SYN1: variants seen among roughly 807,000 people sequenced by gnomAD.
SYN1 encodes synapsin-1.
In SYN1, 8 loss-of-function variants were observed where a neutral mutation model predicts 44.6. The observed-to-expected ratio is 0.18, with a 90% CI of 0.11 to 0.32. SYN1 has a LOEUF of 0.32. Ranked by LOEUF, SYN1 falls within the 10% of genes least tolerant of loss-of-function variation. The probability of loss-of-function intolerance (pLI) is 1.00; values close to 1 mark genes in which losing one functional copy is unlikely to be tolerated. For missense variants in SYN1, 451 were observed against 639.4 expected (o/e 0.71, Z 3.18); for synonymous variants, 275 against 280.1 (o/e 0.98, Z 0.18).
At position 47,574,771 on chromosome X, in the gene SYN1, G is replaced by A. The variant is rs895517774; in HGVS notation, c.1310C>T (p.Pro437Leu). ...GCCCAAGGGCAGGGCCCCTGGGGAC[G>A]GAGTCTGCGGCAGAGGAATGGAGCA... ...SPGRGSHGQTPSPGALPLGRQ... is the reference protein window; with the variant it reads ...SPGRGSHGQTLSPGALPLGRQ... Residue 437 changes from proline (P) to leucine (L), a missense_variant, in exon 11 of 13, where the codon CCG becomes CTG. Pro to Leu is a moderately conservative substitution (Grantham distance 98, BLOSUM62 -3). Around this residue, in one of 3 missense-constraint regions of SYN1, gnomAD observed 315 missense variants for 451.4 expected, o/e 0.70. Coordinates refer to ENST00000295987, the MANE Select transcript of SYN1 (RefSeq NM_006950.3). The A allele has an allele frequency of 5.9e-6, 7 of 1,182,230 alleles. No homozygotes were observed. The highest frequency in any genetic ancestry group is 4.9e-5 in the Admixed American group (2 of 40,809).
At chrX:47,604,928 C>T in intron 5 of SYN1, 50 bp downstream of exon 5, 1 of 1,035,763 alleles carries the variant, frequency 9.7e-7, no homozygotes, top group Non-Finnish European at 1.4e-6. Context: ...AATATTATTG[C>T]AGTAGTTATG....
chrX:47,596,367 C>T (rs1456300223), intron 5 of SYN1, among the ~76,000 whole-genome samples: 1 of 112,625 alleles, frequency 8.9e-6, no homozygotes, highest in African/African-American at 3.2e-5. Context: ...CATTATTAGG[C>T]TTTAAAAAGC....
At chrX:47,604,540 C>T (rs1161021619) in intron 5 of SYN1, among the ~76,000 whole-genome samples, 4 of 111,748 alleles carry the variant, frequency 3.6e-5, no homozygotes, top group African/African-American at 9.8e-5. Context: ...CATGAGCCAC[C>T]GTGCCTTGCC....
intron 5 of SYN1, among the ~76,000 whole-genome samples, chrX:47,580,943 A>G (rs1193792050): frequency 2.7e-5 from 3 of 111,047 alleles, no homozygotes; most frequent in African/African-American, 9.8e-5. Context: ...AAAAAAAAAA[A>G]ATAGATTTAG....
Position 47,607,029 on chromosome X carries a change from A to G in SYN1, c.443T>C (p.Phe148Ser), listed in dbSNP as rs2057899944. ...ATGGGCCACAAGGTTGAGATCAGAG[A>G]ATTCGGCCTGGGAAGGAGAAAAAAA... is the stretch of plus-strand genomic sequence containing the variant. The part of the protein sequence containing the change: ...EIDIKVEQAE[F>S]SDLNLVAHAN... The change falls in exon 3 of 13, where the codon TTC (phenylalanine) becomes TCC (serine). Residue 148 changes from phenylalanine (F) to serine (S), a missense_variant. Coordinates refer to ENST00000295987, the MANE Select transcript of SYN1 (RefSeq NM_006950.3). The G allele has an allele frequency of 8.3e-7, 1 of 1,209,174 alleles. No individual in the cohort carries two copies. The highest frequency in any genetic ancestry group is 1.1e-6 in the Non-Finnish European group (1 of 894,956).
At chrX:47,581,118 A>AT (rs1294765774) in intron 5 of SYN1, among the ~76,000 whole-genome samples, 3 of 111,256 alleles carry the variant, frequency 2.7e-5, no homozygotes, top group Non-Finnish European at 5.7e-5. Context: ...TAAGCACTCC[A>AT]TAAGGGCTGC....
At chrX:47,608,356 C>G (rs140415052) in intron 1 of SYN1, among the ~76,000 whole-genome samples, 42 of 110,808 alleles carry the variant, frequency 3.8e-4, no homozygotes. Flanking sequence ...TGAAGCGTGC[C>G]TGTTTTTGTG....
In SYN1 at chrX:47,576,581, C is replaced by T. The variant is rs142297702; in HGVS notation, c.897G>A (p.Lys299=). The T allele has an allele frequency of 7.4e-6, 9 of 1,210,168 alleles. No individual in the cohort carries two copies. In the African/African-American group the frequency reaches 1.4e-4, roughly 19 times the overall value. The change falls in exon 7 of 13, where the codon AAG becomes AAA. Residue 299 remains lysine (K), a synonymous_variant. Transcript: ENST00000295987. ...TGAAGGGCTCGGCAGTGGCATACGT[C>T]TTGGTCAGTGCCACGACACTTGCGA... is the stretch of plus-strand genomic sequence containing the variant. ...QDIASVVALT[K]TYATAEPFID... is the part of the protein sequence containing the mutation.
At chrX:47,577,964 T>C (rs1026478434) in intron 5 of SYN1, among the ~76,000 whole-genome samples, 1 of 110,096 alleles carries the variant, frequency 9.1e-6, no homozygotes. Flanking sequence ...CATAAACTAT[T>C]GAGAGGCATG....
chrX:47,572,434 A>T lies in SYN1; in HGVS notation c.*430T>A, dbSNP rs993181133. The T allele has an allele frequency of 1.5e-5, 2 of 133,240 alleles. No individual in the cohort carries two copies. Among genetic ancestry groups the T allele is most frequent in the Non-Finnish European group, 1.5e-5 (1 of 66,116 alleles). 11.0% of individuals were successfully genotyped at this position (133,240 alleles called of 1,213,427 possible). ...GGGTTTCTTGAGGATTTGGAAAATTATGATGGGAAATAGGTGTGCTGGAGA... is the reference window on the plus strand; with the variant it reads ...GGGTTTCTTGAGGATTTGGAAAATTTTGATGGGAAATAGGTGTGCTGGAGA... On this transcript the variant is annotated 3_prime_UTR_variant, in exon 13 of 13. Transcript: ENST00000295987.
Position 47,574,570 on chromosome X carries a change from G to A in SYN1, c.1414C>T (p.Pro472Ser), listed in dbSNP as rs797046019. ...PPQGGPPQPGPGPQRQGPPLQ... is the reference protein window; with the variant it reads ...PPQGGPPQPGSGPQRQGPPLQ... ...GGGGGTCCCTGGCGCTGGGGGCCTG[G>A]ACCCGGCTGTGGAGGGCCGCCTGGG... The change falls in exon 12 of 13, where the codon CCA (proline) becomes TCA (serine). Residue 472 changes from proline to serine, a missense_variant. Pro to Ser is a moderately conservative substitution (Grantham distance 74, BLOSUM62 -1). Transcript: ENST00000295987. The A allele has an allele frequency of 3.6e-6, 4 of 1,098,367 alleles. No homozygotes were observed. The highest frequency in any genetic ancestry group is 4.8e-6 in the Non-Finnish European group (4 of 839,521). 90.5% of individuals were successfully genotyped at this position (1,098,367 alleles called of 1,213,427 possible).
chrX:47,605,543 TC>T (rs1223179147), intron 3 of SYN1, among the ~76,000 whole-genome samples, 164 bp from the exon 4 acceptor site: 1 of 111,738 alleles, frequency 8.9e-6, no homozygotes, highest in African/African-American at 3.3e-5. Context: ...GTGCACCCTT[TC>T]TACCCTCTGC....
chrX:47,605,753 CT>C (rs1035891606), intron 3 of SYN1, among the ~76,000 whole-genome samples: 1 of 111,234 alleles, frequency 9.0e-6, no homozygotes, highest in African/African-American at 3.3e-5. Context: ...CACTTCCCCC[CT>C]AGATATCTGC....
At chrX:47,573,339 G>A (rs1458740431) in intron 12 of SYN1, among the ~76,000 whole-genome samples, 1 of 111,435 alleles carries the variant, frequency 9.0e-6, no homozygotes, top group African/African-American at 3.3e-5. Flanking sequence ...AGGGGAAGAT[G>A]AGCAGGGAAG....
chrX:47,576,707 T>C (rs2057778864), intron 6 of SYN1, 67 bp from the exon 7 acceptor site: 4 of 1,175,077 alleles, frequency 3.4e-6, no homozygotes, highest in Non-Finnish European at 4.6e-6. Context: ...TGGGGGTGCC[T>C]GGGGGAGCAT....
At chrX:47,605,148 C>T (rs1276101717) in intron 4 of SYN1, 75 bp downstream of exon 4, 30 of 1,199,676 alleles carry the variant, frequency 2.5e-5, no homozygotes, top group South Asian at 7.1e-5. Flanking sequence ...TTCCCCAAAT[C>T]GCAGACTGGT....
chrX:47,590,859 A>T (rs1294608874), intron 5 of SYN1, among the ~76,000 whole-genome samples: 1 of 111,224 alleles, frequency 9.0e-6, no homozygotes, highest in East Asian at 2.8e-4. Flanking sequence ...TGGTCCTTCT[A>T]CATATTCCCT....
chrX:47,582,584 C>T, intron 5 of SYN1: 1 of 366,882 alleles, frequency 2.7e-6, no homozygotes, highest in Admixed American at 2.7e-5. Flanking sequence ...CTCAGCTTGG[C>T]CTGCGGGTAC....
chrX:47,598,326 C>T (rs1282000835), intron 5 of SYN1, among the ~76,000 whole-genome samples: 1 of 110,554 alleles, frequency 9.0e-6, no homozygotes, highest in Non-Finnish European at 1.9e-5. Context: ...TATTACTGAG[C>T]TTAATTTGGT....
Sources: gnomAD v4.1 joint callset for allele counts (sites outside exome capture counted in the v4.1 genomes callset) on GRCh38, gnomAD v4.1.1 for gene constraint, gnomAD v4.1.1 regional missense constraint, MANE v1.5 for transcripts, NCBI Gene and HGNC (gene_info 2026-07-23, HGNC 2026-07-21) for gene names.